Variants in SLC22A5 observed in about 807,000 individuals in gnomAD.
SLC22A5 encodes organic cation/carnitine transporter 2.
In SLC22A5, 44 loss-of-function variants were observed where a neutral mutation model predicts 56.7. That is an observed-to-expected ratio of 0.78 (90% CI 0.61 to 1.00). The LOEUF is 1.00. Among genes scored for constraint, SLC22A5 ranks in the 50% least tolerant of loss-of-function variants. The pLI is 0.00. For synonymous variants in SLC22A5, 278 were observed against 292.1 expected (o/e 0.95, Z 0.49); for missense variants, 675 against 723.0 (o/e 0.93, Z 0.76).
chr5:132,372,797 C>T (rs750436272), intron 1 of SLC22A5, among the ~76,000 whole-genome samples: 3 of 152,166 alleles, frequency 2.0e-5, no homozygotes, highest in Non-Finnish European at 4.4e-5. Context: ...ATTCTAATGG[C>T]TTTTTCTATG....
intron 1 of SLC22A5, chr5:132,378,059 C>T: frequency 6.6e-7 from 1 of 1,516,350 alleles, no homozygotes; most frequent in South Asian, 1.3e-5. Flanking sequence ...GCCCTGGGCT[C>T]CGCTCAGATT....
chr5:132,388,880 C>T, intron 5 of SLC22A5, 41 bp from the exon 6 acceptor site: 1 of 1,281,082 alleles, frequency 7.8e-7, no homozygotes, highest in Non-Finnish European at 1.1e-6. Context: ...GAGTCTCTGA[C>T]CACCTCTTCT....
chr5:132,383,912 G>A (rs1276013354), intron 2 of SLC22A5: 3 of 575,116 alleles, frequency 5.2e-6, no homozygotes, highest in Admixed American at 6.0e-5. Flanking sequence ...TATCATAATT[G>A]TAGCATTGCT....
intron 2 of SLC22A5, chr5:132,382,354 G>A (rs1314769450): frequency 6.6e-6 from 1 of 152,108 alleles, no homozygotes; most frequent in African/African-American, 2.4e-5. Flanking sequence ...GGTCTTCTCA[G>A]AGTCTGAAGC....
chr5:132,393,766 G>A lies in SLC22A5; in HGVS notation c.1541G>A (p.Gly514Asp), dbSNP rs1457888691. ...ACCTTGTTTCTCCCAGAGAGCTTCG[G>A]TACCCCACTCCCAGACACCATTGAC... Reference protein sequence around the residue: ...ILTLFLPESFGTPLPDTIDQM... With the variant: ...ILTLFLPESFDTPLPDTIDQM... Residue 514 changes from glycine (G) to aspartate (D), a missense_variant, in exon 9 of 10, where the codon GGT becomes GAT. Gly to Asp is a moderately conservative substitution (Grantham distance 94). Coordinates refer to ENST00000245407, the MANE Select transcript of SLC22A5 (RefSeq NM_003060.4). The A allele has an allele frequency of 6.2e-7, 1 of 1,614,086 alleles. No individual in the cohort carries two copies.
rs767419997 is a variant in SLC22A5, at chr5:132,370,154, C to T, written c.182C>T (p.Ala61Val). 10 of 1,608,586 alleles carry T rather than the reference C, an allele frequency of 6.2e-6. No individual in the cohort carries two copies. The East Asian group carries it at 2.0e-4, about 32-fold the overall frequency. The change falls in exon 1 of 10, where the codon GCC becomes GTC. Residue 61 changes from alanine to valine, a missense_variant. By Grantham distance (64) the Ala-to-Val change is moderately conservative (BLOSUM62 0). Transcript: ENST00000245407. ...RVPDAANLSS[A>V]WRNHTVPLRL... ...CCGGACGCCGCGAACCTGAGCAGCG[C>T]CTGGCGCAACCACACTGTCCCACTG...
intron 2 of SLC22A5, 145 bp downstream of exon 2, chr5:132,378,626 T>A (rs1322174181): frequency 1.4e-6 from 1 of 706,322 alleles, no homozygotes; most frequent in Non-Finnish European, 2.5e-6. Context: ...TGATATAGAC[T>A]CCATGCCTAG....
At chr5:132,391,001 T>A (rs1295402941) in intron 7 of SLC22A5, 97 bp downstream of exon 7, 2 of 982,580 alleles carry the variant, frequency 2.0e-6, no homozygotes, top group African/African-American at 3.2e-5. Flanking sequence ...ATCAAGCCCA[T>A]CACAGCTCCC....
chr5:132,390,717 G>C lies in SLC22A5; in HGVS notation c.1080G>C (p.Gly360=), dbSNP rs139508856. The C allele has an allele frequency of 1.2e-6, 2 of 1,614,036 alleles. No homozygotes were observed. The highest frequency in any genetic ancestry group is 1.7e-6 in the Non-Finnish European group (2 of 1,179,980). The change falls in exon 7 of 10, where the codon GGG becomes GGC. Residue 360 remains glycine (G), a synonymous_variant. Coordinates refer to ENST00000245407, the MANE Select transcript of SLC22A5 (RefSeq NM_003060.4). The part of the protein sequence containing the change: ...LWMTISVGYF[G]LSLDTPNLHG... Reference sequence around the variant, plus strand: ...TGACCATATCAGTGGGCTATTTTGGGCTTTCGCTTGATACTCCTAACTTGC... The same window carrying C: ...TGACCATATCAGTGGGCTATTTTGGCCTTTCGCTTGATACTCCTAACTTGC...
intron 7 of SLC22A5, among the ~76,000 whole-genome samples, chr5:132,391,869 T>C (rs925486431): frequency 6.6e-6 from 1 of 152,120 alleles, no homozygotes; most frequent in Non-Finnish European, 1.5e-5. Flanking sequence ...CAGCTCCCCA[T>C]GGGATGTGGC....
chr5:132,390,084 T>C (rs1459358113), intron 6 of SLC22A5: 2 of 175,726 alleles, frequency 1.1e-5, no homozygotes, highest in Non-Finnish European at 2.5e-5. Flanking sequence ...AGGTCAGGGG[T>C]ACTGCAGGGC....
intron 4 of SLC22A5, among the ~76,000 whole-genome samples, chr5:132,385,809 T>C (rs969897043): frequency 6.6e-6 from 1 of 152,212 alleles, no homozygotes; most frequent in African/African-American, 2.4e-5. Flanking sequence ...GGCAGGACAG[T>C]GTAGGCCCTA....
chr5:132,372,728 G>C (rs1751977755), intron 1 of SLC22A5, among the ~76,000 whole-genome samples: 1 of 152,192 alleles, frequency 6.6e-6, no homozygotes, highest in South Asian at 2.1e-4. Context: ...TGCTTGACTT[G>C]AAGTTCAGAG....
At chr5:132,381,253 A>G (rs1306945746) in intron 2 of SLC22A5, 4 of 152,248 alleles carry the variant, frequency 2.6e-5, no homozygotes, top group Non-Finnish European at 5.9e-5. Context: ...ACTTTAGTCT[A>G]CAGAAGGGCT....
chr5:132,394,648 G>C lies in SLC22A5; in HGVS notation c.*376G>C. ...TGAAAAGGCCCCTAATAAGGCTAGA[G>C]GTCTAAGTCCCCCACCCCTTTCCCC... On this transcript the variant is annotated 3_prime_UTR_variant, in exon 10 of 10. Transcript: ENST00000245407. 4 of 251,826 alleles carry C rather than the reference G, an allele frequency of 1.6e-5. No homozygotes were observed. The East Asian group carries it at 3.8e-4, about 24-fold the overall frequency. 15.6% of individuals were successfully genotyped at this position (251,826 alleles called of 1,614,324 possible). A position where few individuals can be genotyped will look rare whatever the true frequency, so the allele number is the denominator to read the frequency against.
chr5:132,380,534 A>G (rs1036199252), intron 2 of SLC22A5: 3 of 152,152 alleles, frequency 2.0e-5, no homozygotes, highest in African/African-American at 7.2e-5. Flanking sequence ...TTGTCACAGT[A>G]GTTCATGCCA....
chr5:132,387,014 T>G lies in SLC22A5; in HGVS notation c.825-11T>G, dbSNP rs1270543897. Reference sequence around the variant, plus strand: ...GGGAGGCCTCACTGAGATTGGACCTTGTACTGCCAGGTTCATCCCTGAGTC... The same window carrying G: ...GGGAGGCCTCACTGAGATTGGACCTGGTACTGCCAGGTTCATCCCTGAGTC... On this transcript the variant is annotated splice_polypyrimidine_tract_variant and intron_variant, in intron 4 of 9. Coordinates refer to ENST00000245407, the MANE Select transcript of SLC22A5 (RefSeq NM_003060.4). 3 of 1,613,938 alleles carry G rather than the reference T, an allele frequency of 1.9e-6. No individual in the cohort carries two copies. The highest frequency in any genetic ancestry group is 1.6e-4 in the Middle Eastern group (1 of 6,082).
rs568975386 is a variant in SLC22A5 at position 132,369,873 on chromosome 5, G to C, written c.-100G>C. 6.9e-4 allele frequency: 1,026 copies of C among 1,496,652 alleles called. 8 individuals carry two copies. The African/African-American group carries it at 0.012, about 17-fold the overall frequency. The allele number at this position is 1,496,652 out of a possible 1,614,324, so 92.7% of individuals were successfully genotyped here. A position where few individuals can be genotyped will look rare whatever the true frequency, so the allele number is the denominator to read the frequency against. ...CGCGGACGGTCTTGGGTCGCCTGCT[G>C]CCTGGCTTGCCTGGTCGGCGGCGGG... On this transcript the variant is annotated 5_prime_UTR_variant, in exon 1 of 10. Coordinates refer to ENST00000245407, the MANE Select transcript of SLC22A5 (RefSeq NM_003060.4).
At chr5:132,375,627 T>C (rs937669318) in intron 1 of SLC22A5, among the ~76,000 whole-genome samples, 2 of 152,346 alleles carry the variant, frequency 1.3e-5, no homozygotes, top group East Asian at 3.9e-4. Flanking sequence ...TAAAAATGTT[T>C]AATAGCTTTA....
Sources: gnomAD v4.1 joint callset for allele counts (sites outside exome capture counted in the v4.1 genomes callset) on GRCh38, gnomAD v4.1.1 for gene constraint, MANE v1.5 for transcripts, NCBI Gene and HGNC (gene_info 2026-07-23, HGNC 2026-07-21) for gene names.